The following PICALM variants were observed in gnomAD, a reference collection of about 807,000 sequenced individuals.
The protein encoded by PICALM is phosphatidylinositol-binding clathrin assembly protein.
In PICALM, 40 loss-of-function variants were observed where a neutral mutation model predicts 80.5. That is an observed-to-expected ratio of 0.50 (90% CI 0.39 to 0.65). PICALM has a LOEUF of 0.65. PICALM is among the 30% of genes least tolerant of loss of function. The probability of loss-of-function intolerance (pLI) is 0.00; values close to 1 mark genes in which losing one functional copy is unlikely to be tolerated. For missense variants in PICALM, 676 were observed against 778.9 expected (o/e 0.87, Z 1.57); for synonymous variants, 288 against 260.3 (o/e 1.11, Z -1.02).
chr11:85,965,974 G>A (rs771100376), intron 19 of PICALM, among the ~76,000 whole-genome samples: 20 of 151,538 alleles, frequency 1.3e-4, no homozygotes, highest in Non-Finnish European at 2.8e-4. Context: ...CTGCCACCAC[G>A]CCTGGCTAAT....
At chr11:86,048,676 A>T (rs1472148133) in intron 1 of PICALM, among the ~76,000 whole-genome samples, 1 of 151,794 alleles carries the variant, frequency 6.6e-6, no homozygotes, top group Non-Finnish European at 1.5e-5. Flanking sequence ...TACTAAAAAT[A>T]CAAAAATTAG....
At chr11:86,033,010 T>C (rs573476841) in intron 1 of PICALM, among the ~76,000 whole-genome samples, 2 of 152,240 alleles carry the variant, frequency 1.3e-5, no homozygotes, top group East Asian at 1.9e-4. Context: ...AGAGTGCCCA[T>C]GGAACAACAG....
rs2094456572 is a variant in PICALM, at chr11:85,982,097, T to G, written c.1517-94A>C. 1.6e-5 allele frequency: 18 copies of G among 1,152,504 alleles called. No homozygotes were observed. In the South Asian group the frequency reaches 2.2e-4, roughly 14 times the overall value. 71.4% of individuals were successfully genotyped at this position (1,152,504 alleles called of 1,614,324 possible). A position where few individuals can be genotyped will look rare whatever the true frequency, so the allele number is the denominator to read the frequency against. The stretch of plus-strand genomic sequence containing the variant: ...GTCTTTGCCTTTTCTCCTTGTTTAT[T>G]CACTGGAAAAGTTATCCAAAAAATA... On this transcript the variant is annotated intron_variant, in intron 14 of 19. Coordinates refer to ENST00000393346, the MANE Select transcript of PICALM (RefSeq NM_007166.4).
intron 8 of PICALM, chr11:86,003,671 GA>G: frequency 2.8e-6 from 1 of 359,704 alleles, no homozygotes; most frequent in Non-Finnish European, 5.0e-6. Flanking sequence ...AAAACGTTAA[GA>G]ACTGAAAACT....
chr11:85,960,656 C>A, intron 19 of PICALM: 1 of 1,081,322 alleles, frequency 9.2e-7, no homozygotes, highest in Non-Finnish European at 1.3e-6. Flanking sequence ...TCCCCATCTC[C>A]CAAAACAAGT....
chr11:85,996,926 T>C lies in PICALM; in HGVS notation c.1158A>G (p.Thr386=). Residue 386 remains threonine (T), a synonymous_variant, in exon 12 of 20, where the codon ACA becomes ACG. Transcript: ENST00000393346. ...CAAGCAGATCATTGGGCAGCTTTGA[T>C]GTGCTAGAAAGATATTTTGGAAACG... ...IFSTPSSSNS[T]SKLPNDLLDL... is the part of the protein sequence containing the mutation. 5 of 1,607,318 alleles carry C rather than the reference T, an allele frequency of 3.1e-6. No homozygotes were observed. Among genetic ancestry groups the C allele is most frequent in the Non-Finnish European group, 4.3e-6 (5 of 1,175,666 alleles).
chr11:86,047,597 T>C, intron 1 of PICALM, among the ~76,000 whole-genome samples: 1 of 152,240 alleles, frequency 6.6e-6, no homozygotes, highest in East Asian at 1.9e-4. Context: ...CAGTCATCTT[T>C]TGCCCTAGAG....
chr11:85,977,933 A>C, intron 17 of PICALM: 1 of 722,784 alleles, frequency 1.4e-6, no homozygotes, highest in Non-Finnish European at 2.5e-6. Context: ...AAATCAGTAG[A>C]TGCTAGGAAG....
rs145178573 is a variant in PICALM at position 85,976,663 on chromosome 11, T to G, written c.1799A>C (p.Tyr600Ser). ...AATMAPPVMA[Y>S]PATTPTGMIG... ...CATGCCTGTTGGTGTAGTAGCAGGA[T>G]AGGCCATTACAGGGGGTGCCTAACA... Residue 600 changes from tyrosine (Y) to serine (S), a missense_variant, in exon 18 of 20, where the codon TAT (tyrosine) becomes TCT (serine). Physicochemically the swap from Tyr to Ser is moderately radical, Grantham distance 144. This residue lies in a region of PICALM where 391 missense variants were observed against 383.6 expected (regional missense o/e 1.02). Coordinates refer to ENST00000393346, the MANE Select transcript of PICALM (RefSeq NM_007166.4). 5.0e-6 allele frequency: 8 copies of G among 1,602,092 alleles called. No homozygotes were observed. Among genetic ancestry groups the G allele is most frequent in the South Asian group, 4.4e-5 (4 of 90,794 alleles).
At chr11:85,981,589 A>G (rs2094443975) in intron 16 of PICALM, among the ~76,000 whole-genome samples, 156 bp downstream of exon 16, 1 of 151,708 alleles carries the variant, frequency 6.6e-6, no homozygotes, top group South Asian at 2.1e-4. Flanking sequence ...CCTGAGCAAC[A>G]GAGCGAGACT....
chr11:86,003,603 CAAT>C (rs2095204639), intron 8 of PICALM, 152 bp from the exon 9 acceptor site: 5 of 414,200 alleles, frequency 1.2e-5, no homozygotes, highest in Non-Finnish European at 1.7e-5. Flanking sequence ...ATAAGAATGA[CAAT>C]CTTACTTTTG....
At position 86,068,678 on chromosome 11, in the gene PICALM, T is replaced by C; in HGVS notation, c.103A>G (p.Met35Val). The C allele has an allele frequency of 1.9e-6, 3 of 1,612,762 alleles. No individual in the cohort carries two copies. Among genetic ancestry groups the C allele is most frequent in the Non-Finnish European group, 2.5e-6 (3 of 1,179,498 alleles). ...TCCAGGTGCTTTTTCTTGGGCCCCATGATCTCGTGGGTCGTGGCCTTGCAT... is the reference window on the plus strand; with the variant it reads ...TCCAGGTGCTTTTTCTTGGGCCCCACGATCTCGTGGGTCGTGGCCTTGCAT... The part of the protein sequence containing the change: ...TVCKATTHEI[M>V]GPKKKHLDYL... The change falls in exon 1 of 20, where the codon ATG becomes GTG. Residue 35 changes from methionine to valine, a missense_variant. Coordinates refer to ENST00000393346, the MANE Select transcript of PICALM (RefSeq NM_007166.4).
intron 9 of PICALM, 149 bp from the exon 10 acceptor site, chr11:86,001,307 T>C (rs1228170936): frequency 1.4e-6 from 1 of 711,088 alleles, no homozygotes; most frequent in Non-Finnish European, 2.4e-6. Flanking sequence ...TCAGATGAAA[T>C]ATTCTACCTA....
chr11:86,026,204 A>T (rs1320316651), intron 3 of PICALM, 88 bp downstream of exon 3: 2 of 720,090 alleles, frequency 2.8e-6, no homozygotes, highest in Non-Finnish European at 2.4e-6. Context: ...AAAGTAGCAC[A>T]TGTTCTAAAA....
chr11:86,058,364 T>C (rs1232128161), intron 1 of PICALM, among the ~76,000 whole-genome samples: 1 of 152,074 alleles, frequency 6.6e-6, no homozygotes, highest in Non-Finnish European at 1.5e-5. Context: ...ACTTACAGAG[T>C]ATATCTGCAA....
chr11:86,025,768 A>G (rs1478268631), intron 3 of PICALM, among the ~76,000 whole-genome samples: 3 of 152,072 alleles, frequency 2.0e-5, no homozygotes, highest in African/African-American at 7.2e-5. Flanking sequence ...CATGTTGGCC[A>G]GGCTGGTCTT....
At chr11:85,973,640 C>A (rs1033136386) in intron 19 of PICALM, among the ~76,000 whole-genome samples, 2 of 151,950 alleles carry the variant, frequency 1.3e-5, no homozygotes, top group African/African-American at 4.8e-5. Context: ...GGAACATATC[C>A]CCCAAAGAGA....
At chr11:86,041,797 T>G (rs1186614017) in intron 1 of PICALM, among the ~76,000 whole-genome samples, 1 of 152,214 alleles carries the variant, frequency 6.6e-6, no homozygotes, top group African/African-American at 2.4e-5. Flanking sequence ...TAAAATTATC[T>G]TTCATTTGTC....
At chr11:86,044,139 T>C (rs1050362382) in intron 1 of PICALM, among the ~76,000 whole-genome samples, 6 of 152,226 alleles carry the variant, frequency 3.9e-5, no homozygotes, top group Non-Finnish European at 8.8e-5. Flanking sequence ...ATGGGAGGAA[T>C]GTAATCAGTA....
Sources: gnomAD v4.1 joint callset for allele counts (sites outside exome capture counted in the v4.1 genomes callset) on GRCh38, gnomAD v4.1.1 for gene constraint, gnomAD v4.1.1 regional missense constraint, MANE v1.5 for transcripts, NCBI Gene and HGNC (gene_info 2026-07-23, HGNC 2026-07-21) for gene names.